Variants in GNPNAT1 observed in about 807,000 individuals in gnomAD.
The protein encoded by GNPNAT1 is glucosamine-phosphate N-acetyltransferase 1.
Under a neutral mutation model 19.8 loss-of-function variants are expected in GNPNAT1, and 11 were observed. The observed-to-expected ratio is 0.56, with a 90% confidence interval of 0.35 to 0.92. The LOEUF (loss-of-function observed/expected upper bound fraction) is 0.92. Ranked by LOEUF, GNPNAT1 falls within the 40% of genes least tolerant of loss-of-function variation. The pLI is 0.01. For synonymous variants in GNPNAT1, 71 were observed against 72.3 expected, an observed-to-expected ratio of 0.98 and a Z score of 0.09; for missense variants, 157 against 211.0, an observed-to-expected ratio of 0.74 and a Z score of 1.59.
chr14:52,779,596 T>C (rs2139960671), intron 5 of GNPNAT1, among the ~76,000 whole-genome samples: 1 of 151,900 alleles, frequency 6.6e-6, no homozygotes. Context: ...GGCATGCACC[T>C]GTAGTCCCAG....
chr14:52,781,337 T>C (rs1361495664), intron 4 of GNPNAT1, among the ~76,000 whole-genome samples: 1 of 152,128 alleles, frequency 6.6e-6, no homozygotes, highest in East Asian at 1.9e-4. Flanking sequence ...TCCTACCTTA[T>C]TCTCATTGAA....
chr14:52,779,218 G>A (rs565131467), intron 5 of GNPNAT1, among the ~76,000 whole-genome samples: 1 of 152,090 alleles, frequency 6.6e-6, no homozygotes, highest in African/African-American at 2.4e-5. Context: ...ATTTGTGAAG[G>A]TGTGTATCAG....
intron 5 of GNPNAT1, among the ~76,000 whole-genome samples, chr14:52,778,703 T>C (rs1487228411): frequency 2.0e-5 from 3 of 152,004 alleles, no homozygotes; most frequent in Non-Finnish European, 4.4e-5. Flanking sequence ...AATACAAAAC[T>C]CACCCTAAGC....
At chr14:52,789,917 A>C (rs1041765382) in intron 1 of GNPNAT1, among the ~76,000 whole-genome samples, 1 of 151,440 alleles carries the variant, frequency 6.6e-6, no homozygotes, top group African/African-American at 2.4e-5. Flanking sequence ...ACCCTAGCCC[A>C]ATAATGCCTA....
In GNPNAT1 at chr14:52,779,418, T is replaced by TA. The variant is rs773067276; in HGVS notation, c.408-961dup. ...TGAACAGACTAAAAAATCCTATTTTTAAAAAAAACAAAAGACCTTGACTGA... is the reference window on the plus strand; with the variant it reads ...TGAACAGACTAAAAAATCCTATTTTTAAAAAAAAACAAAAGACCTTGACTGA... On this transcript the variant is annotated intron_variant, in intron 5 of 5. Coordinates refer to ENST00000216410, the MANE Select transcript of GNPNAT1 (RefSeq NM_198066.4). Among the ~76,000 whole-genome samples the TA allele has an allele frequency of 1.8e-3, 271 of 151,838 alleles. 1 individual carries two copies. The highest frequency in any genetic ancestry group is 3.2e-3 in the Non-Finnish European group (217 of 67,890).
At chr14:52,780,607 A>C in intron 5 of GNPNAT1, 72 bp downstream of exon 5, 1 of 910,902 alleles carries the variant, frequency 1.1e-6, no homozygotes. Flanking sequence ...AAAGAACTTC[A>C]AACAAGTATC....
chr14:52,790,738 G>T (rs1384583033), intron 1 of GNPNAT1, among the ~76,000 whole-genome samples: 1 of 152,130 alleles, frequency 6.6e-6, no homozygotes, highest in Non-Finnish European at 1.5e-5. Context: ...AATTTCTTAA[G>T]ATCCATTCTA....
intron 1 of GNPNAT1, among the ~76,000 whole-genome samples, chr14:52,784,885 T>C (rs1882975552): frequency 1.3e-5 from 2 of 151,692 alleles, no homozygotes; most frequent in African/African-American, 2.4e-5. Flanking sequence ...AGTGACTAAA[T>C]TAGTAAGTTT....
In GNPNAT1 at chr14:52,781,849, G is replaced by C. The variant is rs1178722017; in HGVS notation, c.280C>G (p.Leu94Val). The C allele has an allele frequency of 2.5e-6, 4 of 1,607,808 alleles. No individual in the cohort carries two copies. Among genetic ancestry groups the C allele is most frequent in the Non-Finnish European group, 3.4e-6 (4 of 1,177,126 alleles). The part of the protein sequence containing the change: ...YYVTVVEDVT[L>V]GQIVATATLI... The stretch of plus-strand genomic sequence containing the variant: ...GTTGCCGTAGCAACAATCTGTCCTA[G>C]AGTCACATCTTCTACAACTGTAACA... Residue 94 changes from leucine (L) to valine (V), a missense_variant, in exon 4 of 6, where the codon CTA (leucine) becomes GTA (valine). Physicochemically the swap from Leu to Val is conservative, Grantham distance 32 (BLOSUM62 1). Transcript: ENST00000216410.
intron 3 of GNPNAT1, among the ~76,000 whole-genome samples, chr14:52,782,616 G>A (rs1882918874): frequency 6.6e-6 from 1 of 151,912 alleles, no homozygotes; most frequent in Admixed American, 6.6e-5. Context: ...TAAAAATTGA[G>A]GCTAATAGTC....
chr14:52,790,951 G>A (rs1883158094), intron 1 of GNPNAT1, among the ~76,000 whole-genome samples: 1 of 152,202 alleles, frequency 6.6e-6, no homozygotes, highest in Non-Finnish European at 1.5e-5. Flanking sequence ...GGAAAGCGCC[G>A]ACCTACTCGG....
Position 52,785,033 on chromosome 14 carries a change from C to G in GNPNAT1, c.-14-369G>C, listed in dbSNP as rs1322070058. 2.7e-5 allele frequency among the ~76,000 whole-genome samples: 4 copies of G among 146,888 alleles called. No homozygotes were observed. The Admixed American group carries it at 2.8e-4, about 10-fold the overall frequency. On this transcript the variant is annotated intron_variant, in intron 1 of 5. Transcript: ENST00000216410. Reference sequence around the variant, plus strand: ...CTCTGCCTTCTGGGTTCAAGTGATTCTCCTCTTTCAGCCTCCTGAGTATCT... The same window carrying G: ...CTCTGCCTTCTGGGTTCAAGTGATTGTCCTCTTTCAGCCTCCTGAGTATCT...
In GNPNAT1 at chr14:52,786,857, ATT is replaced by A. The variant is rs567085170; in HGVS notation, c.-14-2195_-14-2194del. Among the ~76,000 whole-genome samples, 862 of 98,372 alleles carry A rather than the reference ATT, an allele frequency of 8.8e-3. 1 individual carries two copies. The highest frequency in any genetic ancestry group is 0.012 in the Non-Finnish European group (592 of 50,300). 64.5% of individuals were successfully genotyped at this position (98,372 alleles called of 152,430 possible). Reference sequence around the variant, plus strand: ...GGACCAGAAATGTTTCAGGTTTTGGATTTTTTTTTTTTTTTTTTTTTTTTTTT... The same window carrying A: ...GGACCAGAAATGTTTCAGGTTTTGGATTTTTTTTTTTTTTTTTTTTTTTTT... On this transcript the variant is annotated intron_variant, in intron 1 of 5. Coordinates refer to ENST00000216410, the MANE Select transcript of GNPNAT1 (RefSeq NM_198066.4).
rs571852245 is a variant in GNPNAT1 at position 52,784,926 on chromosome 14, C to CTT, written c.-14-264_-14-263dup. Among the ~76,000 whole-genome samples, 113 of 119,710 alleles carry CTT rather than the reference C, an allele frequency of 9.4e-4. 1 individual carries two copies. The highest frequency in any genetic ancestry group is 4.2e-3 in the Middle Eastern group (1 of 240). The allele number at this position is 119,710 out of a possible 152,430, so 78.5% of individuals were successfully genotyped here. A position where few individuals can be genotyped will look rare whatever the true frequency, so the allele number is the denominator to read the frequency against. On this transcript the variant is annotated intron_variant, in intron 1 of 5. Transcript: ENST00000216410. ...TATAAAATCCCATTTATTATCAAGT[C>CTT]TTTTTTTTTTTTTTTTTTTCAGACA...
In GNPNAT1 at chr14:52,781,874, A is replaced by G; in HGVS notation, c.255T>C (p.Tyr85=). Residue 85 remains tyrosine, a synonymous_variant, in exon 4 of 6, where the codon TAT becomes TAC. Transcript: ENST00000216410. ...GAGTCACATCTTCTACAACTGTAAC[A>G]TAATAATCCCCAGATTTCTTCATAT... The part of the protein sequence containing the change: ...FEHMKKSGDY[Y]VTVVEDVTLG... 6.2e-7 allele frequency: 1 copy of G among 1,609,050 alleles called. No homozygotes were observed. The highest frequency in any genetic ancestry group is 8.5e-7 in the Non-Finnish European group (1 of 1,177,970).
Position 52,780,590 on chromosome 14 carries a change from A to G in GNPNAT1, c.407+89T>C, listed in dbSNP as rs569850483. ...AGTGAGAATAAGTTCAGAATTAATG[A>G]AGCCAAAAAGAACTTCAAACAAGTA... On this transcript the variant is annotated intron_variant, in intron 5 of 5. Coordinates refer to ENST00000216410, the MANE Select transcript of GNPNAT1 (RefSeq NM_198066.4). 1.0e-5 allele frequency: 8 copies of G among 786,322 alleles called. No individual in the cohort carries two copies. The Admixed American group carries it at 1.4e-4, about 13-fold the overall frequency. The allele number at this position is 786,322 out of a possible 1,614,324, so 48.7% of individuals were successfully genotyped here.
chr14:52,790,460 GT>G (rs1883144526), intron 1 of GNPNAT1, among the ~76,000 whole-genome samples: 1 of 152,158 alleles, frequency 6.6e-6, no homozygotes, highest in Admixed American at 6.6e-5. Flanking sequence ...TTATTAAATT[GT>G]GTAACTGCAT....
intron 5 of GNPNAT1, among the ~76,000 whole-genome samples, 186 bp downstream of exon 5, chr14:52,780,493 A>G (rs1882868437): frequency 6.6e-6 from 1 of 152,214 alleles, no homozygotes; most frequent in Admixed American, 6.5e-5. Context: ...TATGCTTCCA[A>G]TTTTCAAACT....
chr14:52,789,987 A>C (rs1241018712), intron 1 of GNPNAT1, among the ~76,000 whole-genome samples: 4 of 38,542 alleles, frequency 1.0e-4, no homozygotes, highest in South Asian at 1.2e-3. Flanking sequence ...CCAGAAGGAC[A>C]AAAAAAAAAA....
Sources: allele counts gnomAD v4.1 joint callset (sites outside exome capture counted in the v4.1 genomes callset), GRCh38; gene constraint gnomAD v4.1.1; transcripts MANE v1.5; gene names NCBI Gene and HGNC (gene_info 2026-07-23, HGNC 2026-07-21).